The following SSBP2 variants were observed in gnomAD, a reference collection of about 807,000 sequenced individuals.
SSBP2 encodes the protein single-stranded DNA-binding protein 2.
In SSBP2, 17 loss-of-function variants were observed where a neutral mutation model predicts 61.8. The ratio of observed to expected loss-of-function variants is 0.28; its 90% CI spans 0.19 to 0.41. The LOEUF (loss-of-function observed/expected upper bound fraction) is 0.41, where lower values mean the gene tolerates loss of function less well. Among genes scored for constraint, SSBP2 ranks in the 10% least tolerant of loss-of-function variants. The pLI is 1.00. For synonymous variants in SSBP2, 139 were observed against 141.3 expected, an observed-to-expected ratio of 0.98 and a Z score of 0.12; for missense variants, 310 against 458.7, an observed-to-expected ratio of 0.68 and a Z score of 2.96.
intron 4 of SSBP2, among the ~76,000 whole-genome samples, chr5:81,526,353 C>T (rs1769937841): frequency 6.6e-6 from 1 of 151,962 alleles, no homozygotes; most frequent in South Asian, 2.1e-4. Context: ...TAAATTATTT[C>T]ACTATCTCAT....
rs863772 is a variant in SSBP2, at chr5:81,642,276, T to G, written c.136-5658A>C. On this transcript the variant is annotated intron_variant, in intron 2 of 16. Coordinates refer to ENST00000320672, the MANE Select transcript of SSBP2 (RefSeq NM_012446.5). ...ACATTTTCTCTTTATTCTGTTTCTTTTTCTTCCATTATCCCAGCATCAATG... is the reference window on the plus strand; with the variant it reads ...ACATTTTCTCTTTATTCTGTTTCTTGTTCTTCCATTATCCCAGCATCAATG... Among the ~76,000 whole-genome samples, 39 of 152,080 alleles carry G rather than the reference T, an allele frequency of 2.6e-4. 1 individual carries two copies. In the South Asian group the frequency reaches 8.1e-3, roughly 32 times the overall value.
intron 4 of SSBP2, among the ~76,000 whole-genome samples, chr5:81,535,506 G>A (rs1208037952): frequency 6.6e-6 from 1 of 152,056 alleles, no homozygotes; most frequent in Middle Eastern, 3.2e-3. Flanking sequence ...TTGGAGGACT[G>A]ACTATAAGGC....
chr5:81,676,978 A>G (rs1038818358), intron 1 of SSBP2, among the ~76,000 whole-genome samples: 3 of 152,098 alleles, frequency 2.0e-5, no homozygotes, highest in Admixed American at 6.6e-5. Flanking sequence ...AAAAATTAAG[A>G]GCCAGGAAGA....
intron 1 of SSBP2, among the ~76,000 whole-genome samples, chr5:81,708,082 T>C (rs1754520895): frequency 6.6e-6 from 1 of 152,152 alleles, no homozygotes; most frequent in African/African-American, 2.4e-5. Context: ...TATCTGTTAA[T>C]TTTTAAAACT....
intron 15 of SSBP2, among the ~76,000 whole-genome samples, chr5:81,433,606 A>AG (rs200951397): frequency 0.013 from 2,015 of 150,862 alleles, 53 homozygotes; most frequent in African/African-American, 0.046. Flanking sequence ...AAAAAAAAAA[A>AG]AAAGAAAGAA....
chr5:81,671,197 T>C (rs1308483689), intron 1 of SSBP2, among the ~76,000 whole-genome samples: 1 of 152,184 alleles, frequency 6.6e-6, no homozygotes, highest in Non-Finnish European at 1.5e-5. Context: ...TTTTAGAGGA[T>C]AGAAATGTAT....
chr5:81,418,418 C>T lies in SSBP2; in HGVS notation c.*2086G>A, dbSNP rs1049836666. 6.6e-6 allele frequency: 1 copy of T among 152,122 alleles called. No individual in the cohort carries two copies. The highest frequency in any genetic ancestry group is 6.5e-5 in the Admixed American group (1 of 15,288). 9.4% of individuals were successfully genotyped at this position (152,122 alleles called of 1,614,324 possible). A position where few individuals can be genotyped will look rare whatever the true frequency, so the allele number is the denominator to read the frequency against. Reference sequence around the variant, plus strand: ...CAGCTTTTTTTTCTCAACAGTTCTGCCTAGTATCCCTGTTTAGGCACAGGC... The same window carrying T: ...CAGCTTTTTTTTCTCAACAGTTCTGTCTAGTATCCCTGTTTAGGCACAGGC... On this transcript the variant is annotated 3_prime_UTR_variant, in exon 17 of 17. Transcript: ENST00000320672.
At chr5:81,740,282 A>G (rs1233565801) in intron 1 of SSBP2, among the ~76,000 whole-genome samples, 1 of 151,902 alleles carries the variant, frequency 6.6e-6, no homozygotes, top group Non-Finnish European at 1.5e-5. Flanking sequence ...GGAATACAGT[A>G]TCAGTCACTA....
chr5:81,543,220 G>T (rs1003524832), intron 4 of SSBP2, among the ~76,000 whole-genome samples: 1 of 152,062 alleles, frequency 6.6e-6, no homozygotes, highest in Non-Finnish European at 1.5e-5. Flanking sequence ...CACCACGATT[G>T]TAAGTTTCCT....
At chr5:81,511,302 T>C (rs1422901970) in intron 5 of SSBP2, among the ~76,000 whole-genome samples, 1 of 152,132 alleles carries the variant, frequency 6.6e-6, no homozygotes, top group Non-Finnish European at 1.5e-5. Context: ...ATTCATCACA[T>C]TGTAGGGCTT....
At chr5:81,692,111 C>G (rs1215557694) in intron 1 of SSBP2, among the ~76,000 whole-genome samples, 3 of 152,050 alleles carry the variant, frequency 2.0e-5, no homozygotes, top group Non-Finnish European at 4.4e-5. Context: ...TGGTAAAACC[C>G]AAAGACTCCA....
intron 10 of SSBP2, among the ~76,000 whole-genome samples, chr5:81,456,475 C>CT (rs1764157327): frequency 6.6e-6 from 1 of 150,976 alleles, no homozygotes; most frequent in Admixed American, 6.6e-5. Flanking sequence ...CAGTAATACT[C>CT]TTTTTCAGTA....
chr5:81,476,149 T>C (rs889727354), intron 6 of SSBP2, among the ~76,000 whole-genome samples: 3 of 152,116 alleles, frequency 2.0e-5, no homozygotes, highest in African/African-American at 4.8e-5. Context: ...GCTGAAGACA[T>C]GATACCTCAT....
intron 4 of SSBP2, among the ~76,000 whole-genome samples, chr5:81,594,876 C>T (rs1393042649): frequency 6.6e-6 from 1 of 152,018 alleles, no homozygotes; most frequent in Non-Finnish European, 1.5e-5. Flanking sequence ...ACTAAATGCC[C>T]ACAAGAGAAA....
intron 6 of SSBP2, among the ~76,000 whole-genome samples, chr5:81,488,046 TA>T (rs1561459397): frequency 5.1e-5 from 2 of 39,060 alleles, no homozygotes; most frequent in Non-Finnish European, 9.3e-5. Context: ...TATATATATA[TA>T]TATATATATA....
intron 3 of SSBP2, among the ~76,000 whole-genome samples, chr5:81,628,142 G>A (rs1398092894): frequency 2.0e-5 from 3 of 152,160 alleles, no homozygotes; most frequent in African/African-American, 4.8e-5. Flanking sequence ...ATAAAGGAAT[G>A]AGGTTTAACT....
chr5:81,441,959 G>T (rs1025749425), intron 13 of SSBP2, among the ~76,000 whole-genome samples: 2 of 152,088 alleles, frequency 1.3e-5, no homozygotes, highest in African/African-American at 4.8e-5. Flanking sequence ...TGTTTTAAAA[G>T]ACACTAAAAC....
chr5:81,440,682 T>C (rs757184195), intron 13 of SSBP2, 46 bp from the exon 14 acceptor site: 2 of 1,367,964 alleles, frequency 1.5e-6, no homozygotes, highest in Admixed American at 2.1e-5. Context: ...CTGAAAACAA[T>C]GGCTTATCTC....
intron 1 of SSBP2, chr5:81,750,752 C>T: frequency 1.7e-6 from 1 of 577,046 alleles, no homozygotes; most frequent in Admixed American, 3.2e-5. Context: ...CTCAACACAC[C>T]CGGTCCCTCC....
Sources: allele counts gnomAD v4.1 joint callset (sites outside exome capture counted in the v4.1 genomes callset), GRCh38; gene constraint gnomAD v4.1.1; transcripts MANE v1.5; gene names NCBI Gene and HGNC (gene_info 2026-07-23, HGNC 2026-07-21).